Variants in TCF4 observed in about 807,000 individuals in gnomAD.
The protein encoded by TCF4 is SL3-3 enhancer factor 2.
TCF4 carries 3 observed loss-of-function variants against 82.1 expected under a neutral mutation model. The ratio of observed to expected loss-of-function variants is 0.04; its 90% CI spans 0.02 to 0.09. The LOEUF (loss-of-function observed/expected upper bound fraction) is 0.09, where lower values mean the gene tolerates loss of function less well. Ranked by LOEUF, TCF4 falls within the 10% of genes least tolerant of loss-of-function variation. The pLI is 1.00. For synonymous variants in TCF4, 276 were observed against 309.6 expected (o/e 0.89, Z 1.14); for missense variants, 518 against 852.7 (o/e 0.61, Z 4.89).
At chr18:55,334,226 A>G (rs2078165875) in intron 8 of TCF4, among the ~76,000 whole-genome samples, 3 of 152,202 alleles carry the variant, frequency 2.0e-5, no homozygotes, top group Non-Finnish European at 2.9e-5. Context: ...AGTTTTATTT[A>G]GTAAAAGCAT....
Position 55,313,945 on chromosome 18 carries a change from C to G in TCF4, c.550-34289G>C, listed in dbSNP as rs140422723. ...CAATGAGTTTGACATTTCCCTCCCC[C>G]CCTTACAAATTCACAGAGTAGAGAT... On this transcript the variant is annotated intron_variant, in intron 8 of 19. Coordinates refer to ENST00000354452, the MANE Select transcript of TCF4 (RefSeq NM_001083962.2). Among the ~76,000 whole-genome samples, 806 of 152,206 alleles carry G rather than the reference C, an allele frequency of 5.3e-3. 3 individuals are homozygous for G. Among genetic ancestry groups the G allele is most frequent in the African/African-American group, 0.018 (762 of 41,526 alleles).
chr18:55,443,379 A>T (rs536523830), intron 5 of TCF4, among the ~76,000 whole-genome samples: 1 of 152,286 alleles, frequency 6.6e-6, no homozygotes, highest in East Asian at 1.9e-4. Context: ...GCGGTTTGTA[A>T]AGCAAACAGT....
At chr18:55,380,386 A>G (rs2091690385) in intron 6 of TCF4, among the ~76,000 whole-genome samples, 1 of 151,758 alleles carries the variant, frequency 6.6e-6, no homozygotes, top group South Asian at 2.1e-4. Context: ...CGTCATCTAC[A>G]TCCGGTATTT....
chr18:55,237,707 G>C (rs2049961778), intron 15 of TCF4, among the ~76,000 whole-genome samples: 1 of 152,100 alleles, frequency 6.6e-6, no homozygotes, highest in Non-Finnish European at 1.5e-5. Flanking sequence ...TAGGTCCAGA[G>C]CCATGTAATA....
chr18:55,592,908 C>T (rs1356200749), upstream of TCF4, among the ~76,000 whole-genome samples: 1 of 152,174 alleles, frequency 6.6e-6, no homozygotes, highest in African/African-American at 2.4e-5. Context: ...GAGATTCTTT[C>T]CCAATTACTA....
At position 55,251,601 on chromosome 18, in the gene TCF4, A is replaced by C. The variant is rs951572590; in HGVS notation, c.1350+2896T>G. ...AAATGAGAAGCGTACGGAGGTCGAG[A>C]GGATTCAGAGCTGTCTACTCTTTAA... On this transcript the variant is annotated intron_variant, in intron 15 of 19. Transcript: ENST00000354452. Among the ~76,000 whole-genome samples, 4 of 152,328 alleles carry C rather than the reference A, an allele frequency of 2.6e-5. No individual in the cohort carries two copies. The South Asian group carries it at 8.3e-4, about 32-fold the overall frequency.
intron 3 of TCF4, among the ~76,000 whole-genome samples, chr18:55,513,211 CTA>C (rs778963197): frequency 6.6e-6 from 1 of 152,158 alleles, no homozygotes; most frequent in Non-Finnish European, 1.5e-5. Context: ...TGAAGGAAAA[CTA>C]TTCCTTTTAC....
chr18:55,269,780 T>C, intron 11 of TCF4, 51 bp downstream of exon 11: 1 of 1,611,372 alleles, frequency 6.2e-7, no homozygotes, highest in Non-Finnish European at 8.5e-7. Context: ...CCTTGATGAT[T>C]AAACTCTGAC....
In TCF4 at chr18:55,403,439, G is replaced by A; in HGVS notation, c.369+15C>T. 6.2e-7 allele frequency: 1 copy of A among 1,613,546 alleles called. No individual in the cohort carries two copies. Among genetic ancestry groups the A allele is most frequent in the Non-Finnish European group, 8.5e-7 (1 of 1,179,596 alleles). ...TAATCCTCTCAACCCTTCCGCAACA[G>A]AGATTCTCACTTACCTGGTGGCAAC... On this transcript the variant is annotated intron_variant, in intron 6 of 19. Coordinates refer to ENST00000354452, the MANE Select transcript of TCF4 (RefSeq NM_001083962.2).
chr18:55,538,026 GCACACACACACA>G (rs57686777), intron 3 of TCF4, among the ~76,000 whole-genome samples: 34 of 131,574 alleles, frequency 2.6e-4, no homozygotes, highest in East Asian at 4.5e-4. Flanking sequence ...CTGCGCGCGC[GCACACACACACA>G]CACACACACA....
chr18:55,507,090 T>C (rs1218729590), intron 3 of TCF4, among the ~76,000 whole-genome samples: 1 of 152,170 alleles, frequency 6.6e-6, no homozygotes, highest in Non-Finnish European at 1.5e-5. Context: ...CTCGATCTCT[T>C]GACCTCAGGT....
At chr18:55,487,958 CA>C (rs2096534932) in intron 3 of TCF4, among the ~76,000 whole-genome samples, 1 of 151,706 alleles carries the variant, frequency 6.6e-6, no homozygotes, top group South Asian at 2.1e-4. Flanking sequence ...CTGTTAAAGC[CA>C]CAAATAATTG....
intron 16 of TCF4, among the ~76,000 whole-genome samples, chr18:55,232,908 C>T (rs900452946): frequency 2.0e-5 from 3 of 152,234 alleles, no homozygotes; most frequent in Admixed American, 1.3e-4. Flanking sequence ...GGTAATTTCA[C>T]TGTCTACAAA....
intron 10 of TCF4, among the ~76,000 whole-genome samples, chr18:55,270,489 A>T (rs1047418706): frequency 1.3e-5 from 2 of 152,148 alleles, no homozygotes; most frequent in Non-Finnish European, 1.5e-5. Context: ...AATTTAGTAA[A>T]TAAAAAATTT....
intron 6 of TCF4, among the ~76,000 whole-genome samples, chr18:55,399,880 TCACACACACACACA>T (rs398041380): frequency 1.3e-4 from 8 of 63,468 alleles, no homozygotes; most frequent in South Asian, 6.5e-4. Context: ...TCTCTCTCTC[TCACACACACACACA>T]CACACACACA....
At chr18:55,477,602 C>T (rs1165496328) in intron 3 of TCF4, among the ~76,000 whole-genome samples, 1 of 152,180 alleles carries the variant, frequency 6.6e-6, no homozygotes, top group Admixed American at 6.5e-5. Flanking sequence ...ACCACCAGGG[C>T]ACACGCAGTT....
intron 8 of TCF4, 46 bp from the exon 9 acceptor site, chr18:55,279,702 A>G (rs762179735): frequency 6.2e-7 from 1 of 1,612,628 alleles, no homozygotes; most frequent in Admixed American, 1.7e-5. Context: ...CATTGACCAC[A>G]GCAGCCCAAG....
At chr18:55,413,809 T>C (rs1221582791) in intron 5 of TCF4, among the ~76,000 whole-genome samples, 1 of 152,220 alleles carries the variant, frequency 6.6e-6, no homozygotes, top group Non-Finnish European at 1.5e-5. Flanking sequence ...GCATTACATA[T>C]ACTATGTTTA....
intron 15 of TCF4, among the ~76,000 whole-genome samples, chr18:55,248,908 C>T (rs544373710): frequency 2.6e-5 from 4 of 152,148 alleles, no homozygotes; most frequent in Admixed American, 1.3e-4. Flanking sequence ...CCATGCCCGG[C>T]TAATTTTTGT....
Sources: allele counts gnomAD v4.1 joint callset (sites outside exome capture counted in the v4.1 genomes callset), GRCh38; gene constraint gnomAD v4.1.1; transcripts MANE v1.5; gene names NCBI Gene and HGNC (gene_info 2026-07-23, HGNC 2026-07-21).